The following SLC47A1 variants were observed in gnomAD, a reference collection of about 807,000 sequenced individuals.
SLC47A1 encodes solute carrier family 47 member 1.
A neutral mutation model predicts 65.8 loss-of-function variants in SLC47A1; 58 were observed. The observed-to-expected ratio is 0.88, with a 90% CI of 0.71 to 1.10. The LOEUF (loss-of-function observed/expected upper bound fraction) is 1.10, where lower values mean the gene tolerates loss of function less well. Among genes scored for constraint, SLC47A1 ranks in the 50% least tolerant of loss-of-function variants. The probability of loss-of-function intolerance (pLI) is 0.00; values close to 1 mark genes in which losing one functional copy is unlikely to be tolerated. For synonymous variants in SLC47A1, 285 were observed against 295.0 expected (o/e 0.97, Z 0.35); for missense variants, 706 against 719.2 (o/e 0.98, Z 0.21).
intron 16 of SLC47A1, among the ~76,000 whole-genome samples, chr17:19,574,046 C>T (rs1237046393): frequency 6.6e-6 from 1 of 151,840 alleles, no homozygotes; most frequent in Non-Finnish European, 1.5e-5. Flanking sequence ...CCTCAGCTTC[C>T]CAAGTAGCTG....
intron 1 of SLC47A1, among the ~76,000 whole-genome samples, chr17:19,540,376 T>C (rs747512751): frequency 2.5e-4 from 38 of 152,158 alleles, no homozygotes; most frequent in Non-Finnish European, 5.1e-4. Context: ...ACACAACCAT[T>C]TGTTACAGAT....
intron 16 of SLC47A1, among the ~76,000 whole-genome samples, chr17:19,574,694 G>A (rs540939265): frequency 9.2e-5 from 14 of 151,938 alleles, no homozygotes; most frequent in South Asian, 4.2e-4. Flanking sequence ...GCAGTGGCTC[G>A]TTTTCACTGC....
At chr17:19,564,657 AT>A (rs1319192586) in intron 12 of SLC47A1, 1 of 152,224 alleles carries the variant, frequency 6.6e-6, no homozygotes, top group African/African-American at 2.4e-5. Context: ...TTTGAATAAA[AT>A]AATTATATTT....
chr17:19,557,667 A>AG (rs1316439403), intron 10 of SLC47A1: 3 of 514,730 alleles, frequency 5.8e-6, no homozygotes, highest in African/African-American at 3.9e-5. Context: ...CCGTAGATGT[A>AG]GTGAGGGTAA....
At chr17:19,538,237 A>G (rs181403822) in intron 1 of SLC47A1, among the ~76,000 whole-genome samples, 132 of 152,368 alleles carry the variant, frequency 8.7e-4, no homozygotes, top group African/African-American at 3.1e-3. Context: ...CCCCAGAAGC[A>G]GGAGGCACAG....
In SLC47A1 at chr17:19,577,554, C is replaced by T. The variant is rs374839177; in HGVS notation, c.*1C>T. 6.4e-5 allele frequency: 104 copies of T among 1,613,714 alleles called. No individual in the cohort carries two copies. The highest frequency in any genetic ancestry group is 3.3e-4 in the Middle Eastern group (2 of 6,066). On this transcript the variant is annotated 3_prime_UTR_variant, in exon 17 of 17. Transcript: ENST00000270570. ...GAGATTCTATGTCAGAATTCAGTGA[C>T]GTGGTAGGAAAGAAAGTCAGGTCAA...
intron 6 of SLC47A1, among the ~76,000 whole-genome samples, chr17:19,552,542 C>T (rs1234659987): frequency 6.6e-6 from 1 of 152,122 alleles, no homozygotes; most frequent in East Asian, 1.9e-4. Flanking sequence ...GGACTCAGTC[C>T]CCCAACCACT....
intron 15 of SLC47A1, 75 bp downstream of exon 15, chr17:19,571,647 T>C: frequency 8.6e-7 from 1 of 1,157,128 alleles, no homozygotes; most frequent in South Asian, 1.4e-5. Flanking sequence ...CTCCCTTTTT[T>C]CTTTTGGAAA....
At chr17:19,534,299 G>C in intron 1 of SLC47A1, 1 of 515,734 alleles carries the variant, frequency 1.9e-6, no homozygotes, top group Non-Finnish European at 3.2e-6. Flanking sequence ...GCGGGGCACT[G>C]CGGGAACGGC....
intron 14 of SLC47A1, among the ~76,000 whole-genome samples, chr17:19,569,810 TA>T (rs1236822962): frequency 6.6e-6 from 1 of 152,256 alleles, no homozygotes; most frequent in African/African-American, 2.4e-5. Context: ...TAGCTGGAGT[TA>T]GCTGGTTATT....
chr17:19,570,433 G>T (rs1403899331), intron 14 of SLC47A1, among the ~76,000 whole-genome samples: 1 of 152,222 alleles, frequency 6.6e-6, no homozygotes, highest in Admixed American at 6.5e-5. Flanking sequence ...AGTGGAGATT[G>T]TTGATCTGGG....
chr17:19,536,191 C>T (rs1915982857), intron 1 of SLC47A1, among the ~76,000 whole-genome samples: 1 of 151,780 alleles, frequency 6.6e-6, no homozygotes, highest in Non-Finnish European at 1.5e-5. Flanking sequence ...CTCGGCCTCC[C>T]AAGAGCTGGG....
At position 19,577,873 on chromosome 17, in the gene SLC47A1, C is replaced by A; in HGVS notation, c.*320C>A. On this transcript the variant is annotated 3_prime_UTR_variant, in exon 17 of 17. Transcript: ENST00000270570. Reference sequence around the variant, plus strand: ...ATTTTTTTAGACACAAACCCATAAACTAACTGCTTAAGAATTCATACTGCT... The same window carrying A: ...ATTTTTTTAGACACAAACCCATAAAATAACTGCTTAAGAATTCATACTGCT... The A allele has an allele frequency of 1.6e-6, 2 of 1,249,782 alleles. No homozygotes were observed. Among genetic ancestry groups the A allele is most frequent in the Non-Finnish European group, 2.0e-6 (2 of 982,776 alleles). The allele number at this position is 1,249,782 out of a possible 1,614,324, so 77.4% of individuals were successfully genotyped here.
chr17:19,542,160 T>G (rs1308555514), intron 1 of SLC47A1, among the ~76,000 whole-genome samples: 1 of 152,080 alleles, frequency 6.6e-6, no homozygotes, highest in African/African-American at 2.4e-5. Flanking sequence ...TGGGAAGTTC[T>G]CAAAAAAGTG....
At chr17:19,556,642 T>C (rs1312700072) in intron 10 of SLC47A1, among the ~76,000 whole-genome samples, 2 of 148,734 alleles carry the variant, frequency 1.3e-5, no homozygotes. Context: ...CACTGCAACC[T>C]CCGCCTCCCG....
intron 2 of SLC47A1, among the ~76,000 whole-genome samples, chr17:19,546,177 G>A (rs1165337902): frequency 2.0e-5 from 3 of 152,156 alleles, no homozygotes; most frequent in African/African-American, 4.8e-5. Context: ...CCGAGATCGC[G>A]CCACTGCACT....
chr17:19,559,060 T>C (rs1253626195), intron 10 of SLC47A1, among the ~76,000 whole-genome samples: 1 of 152,254 alleles, frequency 6.6e-6, no homozygotes, highest in African/African-American at 2.4e-5. Flanking sequence ...GGTAAATCTT[T>C]ATTGAGCAAT....
chr17:19,573,622 A>G (rs1423444471), intron 16 of SLC47A1, among the ~76,000 whole-genome samples: 1 of 151,846 alleles, frequency 6.6e-6, no homozygotes, highest in Non-Finnish European at 1.5e-5. Flanking sequence ...GGCTCAAGCG[A>G]TCCTCCTGCC....
At chr17:19,563,795 T>G (rs2084334596) in intron 12 of SLC47A1, among the ~76,000 whole-genome samples, 2 of 149,032 alleles carry the variant, frequency 1.3e-5, no homozygotes, top group South Asian at 4.3e-4. Context: ...GAGACCATCC[T>G]GGCTAACATG....
Sources: gnomAD v4.1 joint callset for allele counts (sites outside exome capture counted in the v4.1 genomes callset) on GRCh38, gnomAD v4.1.1 for gene constraint, MANE v1.5 for transcripts, NCBI Gene and HGNC (gene_info 2026-07-23, HGNC 2026-07-21) for gene names.